The following CCND3 variants were observed in gnomAD, a reference collection of about 807,000 sequenced individuals.
The protein encoded by CCND3 is cyclin D3.
CCND3 carries 9 observed loss-of-function variants against 28.7 expected under a neutral mutation model. The ratio of observed to expected loss-of-function variants is 0.31; its 90% CI spans 0.19 to 0.55. The LOEUF (loss-of-function observed/expected upper bound fraction) is 0.55, where lower values mean the gene tolerates loss of function less well. Ranked by LOEUF, CCND3 falls within the 20% of genes least tolerant of loss-of-function variation. The pLI, the probability that CCND3 is intolerant of heterozygous loss-of-function variation, is 0.93. For synonymous variants in CCND3, 164 were observed against 163.9 expected, an observed-to-expected ratio of 1.00 and a Z score of 0.00; for missense variants, 315 against 385.8, an observed-to-expected ratio of 0.82 and a Z score of 1.54.
At chr6:42,032,177 C>G (rs1764064453) in intron 1 of CCND3, among the ~76,000 whole-genome samples, 1 of 152,194 alleles carries the variant, frequency 6.6e-6, no homozygotes, top group Non-Finnish European at 1.5e-5. Context: ...CCTCAAACTC[C>G]TGGGCTCAAG....
At chr6:41,937,205 A>C in intron 3 of CCND3, 30 bp downstream of exon 3, 1 of 1,613,422 alleles carries the variant, frequency 6.2e-7, no homozygotes, top group Non-Finnish European at 8.5e-7. Flanking sequence ...GATTTTTCCA[A>C]TTTGGCAAAA....
chr6:42,036,306 T>TTATATATATATA (rs566638387), intron 1 of CCND3, among the ~76,000 whole-genome samples: 4,476 of 130,446 alleles, frequency 0.034, 114 homozygotes, highest in East Asian at 0.092. Context: ...AAATTATTAT[T>TTATATATATATA]TATATATATA....
chr6:41,986,491 CCTT>C (rs1463148437), intron 1 of CCND3, among the ~76,000 whole-genome samples: 3 of 151,846 alleles, frequency 2.0e-5, no homozygotes, highest in African/African-American at 7.3e-5. Context: ...TCCTTTACCT[CCTT>C]GATTAAATTT....
intron 1 of CCND3, among the ~76,000 whole-genome samples, chr6:42,006,006 A>T (rs4711696): frequency 0.98 from 146,946 of 150,040 alleles, 72,030 homozygotes; most frequent in South Asian, 1. Flanking sequence ...TACACAAAAA[A>T]TTTTTTTTTA....
intron 1 of CCND3, among the ~76,000 whole-genome samples, chr6:42,007,515 G>A (rs368516195): frequency 9.9e-5 from 15 of 152,196 alleles, no homozygotes; most frequent in African/African-American, 3.4e-4. Flanking sequence ...AATGCAGGGG[G>A]TTAAATGGTG....
chr6:41,999,830 G>T (rs1762934900), intron 1 of CCND3, among the ~76,000 whole-genome samples: 1 of 152,156 alleles, frequency 6.6e-6, no homozygotes, highest in South Asian at 2.1e-4. Context: ...GTTTGAGTTT[G>T]CAGTGAGCTA....
intron 1 of CCND3, among the ~76,000 whole-genome samples, chr6:42,014,255 T>C (rs1763427350): frequency 6.6e-6 from 1 of 150,976 alleles, no homozygotes. Flanking sequence ...TAGTCCCAGC[T>C]ACTGGGAGGG....
intron 1 of CCND3, among the ~76,000 whole-genome samples, chr6:41,987,995 C>T (rs530115224): frequency 2.6e-5 from 4 of 151,996 alleles, no homozygotes; most frequent in South Asian, 4.2e-4. Flanking sequence ...TTCCCCAAAC[C>T]ATTCTCAGGT....
intron 1 of CCND3, among the ~76,000 whole-genome samples, chr6:42,005,927 C>G (rs999004876): frequency 6.6e-6 from 1 of 151,992 alleles, no homozygotes; most frequent in South Asian, 2.1e-4. Context: ...AGGTGATCAC[C>G]CGCCTCAGCC....
chr6:41,985,473 CTG>C (rs2127413849), intron 1 of CCND3, among the ~76,000 whole-genome samples: 1 of 152,112 alleles, frequency 6.6e-6, no homozygotes, highest in South Asian at 2.1e-4. Context: ...ACCACCACAC[CTG>C]GCTAATTTTG....
At chr6:41,979,533 CAAAA>C (rs767526428) in intron 1 of CCND3, among the ~76,000 whole-genome samples, 2 of 97,002 alleles carry the variant, frequency 2.1e-5, no homozygotes, top group Admixed American at 1.1e-4. Flanking sequence ...GACTCCACTT[CAAAA>C]AAAAAAAAAA....
intron 1 of CCND3, among the ~76,000 whole-genome samples, chr6:41,971,947 C>A (rs1476853336): frequency 6.7e-6 from 1 of 149,932 alleles, no homozygotes; most frequent in Non-Finnish European, 1.5e-5. Context: ...TACTTCCGGC[C>A]GGGCGCAGTG....
intron 1 of CCND3, among the ~76,000 whole-genome samples, chr6:41,991,250 G>A (rs917086885): frequency 3.3e-5 from 5 of 151,584 alleles, no homozygotes; most frequent in African/African-American, 1.2e-4. Context: ...GTAGAGACAA[G>A]GTTTCACCAT....
rs535787195 is a variant in CCND3 at position 41,984,900 on chromosome 6, C to A, written c.-45-44315G>T. On this transcript the variant is annotated intron_variant, in intron 1 of 4. Transcript: ENST00000372988. ...CCTTTTCATGCACAGATCAGCCATG[C>A]ACATACCTTCTTTTGAGAAAGGTCT... Among the ~76,000 whole-genome samples the A allele has an allele frequency of 2.6e-5, 4 of 152,290 alleles. No homozygotes were observed. The South Asian group carries it at 8.3e-4, about 32-fold the overall frequency.
intron 1 of CCND3, among the ~76,000 whole-genome samples, chr6:42,006,478 C>T (rs1238250500): frequency 6.6e-6 from 1 of 151,612 alleles, no homozygotes; most frequent in African/African-American, 2.4e-5. Context: ...TTCTAGCTGA[C>T]ATTAAATTGG....
intron 1 of CCND3, among the ~76,000 whole-genome samples, chr6:41,950,769 C>T (rs556360678): frequency 2.0e-5 from 3 of 147,326 alleles, no homozygotes; most frequent in East Asian, 4.0e-4. Flanking sequence ...AGTGCAGTGG[C>T]GCGATCTCAG....
Position 41,941,038 on chromosome 6 carries a change from C to A in CCND3, c.198+414G>T. On this transcript the variant is annotated intron_variant, in intron 1 of 4. Coordinates refer to ENST00000372991, the MANE Select transcript of CCND3 (RefSeq NM_001760.5). The surrounding 1 kb of genome is among the most constrained non-coding windows in gnomAD (Gnocchi z 6.1). Reference sequence around the variant, plus strand: ...GGAACAGGGCGCGCGCCACCCCCATCGCCTTCCCCGCCAGAACCCCGCGAA... The same window carrying A: ...GGAACAGGGCGCGCGCCACCCCCATAGCCTTCCCCGCCAGAACCCCGCGAA... The A allele has an allele frequency of 6.2e-7, 1 of 1,602,780 alleles. No homozygotes were observed. Among genetic ancestry groups the A allele is most frequent in the Non-Finnish European group, 8.5e-7 (1 of 1,173,690 alleles).
chr6:41,943,129 T>A (rs531850760), upstream of CCND3, among the ~76,000 whole-genome samples: 30 of 152,152 alleles, frequency 2.0e-4, no homozygotes, highest in Admixed American at 1.8e-3. Context: ...CCAAAAGTGC[T>A]GGGATTACAG....
rs1484439648 is a variant in CCND3, at chr6:41,936,385, A to G, written c.711+174T>C. 2.6e-6 allele frequency: 2 copies of G among 774,296 alleles called. No individual in the cohort carries two copies. Among genetic ancestry groups the G allele is most frequent in the Non-Finnish European group, 4.1e-6 (2 of 488,008 alleles). The allele number at this position is 774,296 out of a possible 1,614,324, so 48.0% of individuals were successfully genotyped here. A position where few individuals can be genotyped will look rare whatever the true frequency, so the allele number is the denominator to read the frequency against. On this transcript the variant is annotated intron_variant, in intron 4 of 4. Coordinates refer to ENST00000372991, the MANE Select transcript of CCND3 (RefSeq NM_001760.5). This position sits in a 1 kb window ranked among gnomAD's most constrained non-coding sequence, Gnocchi z 4.4. ...AGGGCCAGTGCCCTTCACCCCACCCAAGATACTTGCTCTTCCCCAGACCAA... is the reference window on the plus strand; with the variant it reads ...AGGGCCAGTGCCCTTCACCCCACCCGAGATACTTGCTCTTCCCCAGACCAA...
Sources: allele counts gnomAD v4.1 joint callset (sites outside exome capture counted in the v4.1 genomes callset), GRCh38; gene constraint gnomAD v4.1.1; non-coding constraint Gnocchi (gnomAD v3.1); transcripts MANE v1.5; gene names NCBI Gene and HGNC (gene_info 2026-07-23, HGNC 2026-07-21).